Variants in JMJD1C observed in about 807,000 individuals in gnomAD.
JMJD1C encodes jumonji domain containing 1C.
In JMJD1C, 31 loss-of-function variants were observed where a neutral mutation model predicts 245.3. The ratio of observed to expected loss-of-function variants is 0.13; its 90% confidence interval spans 0.09 to 0.17. The LOEUF (loss-of-function observed/expected upper bound fraction) is 0.17, where lower values mean the gene tolerates loss of function less well. Among genes scored for constraint, JMJD1C ranks in the 10% least tolerant of loss-of-function variants. The pLI is 1.00. For missense variants in JMJD1C, 2,691 were observed against 3,000.2 expected (o/e 0.90, Z 2.41); for synonymous variants, 1,057 against 1,017.4 (o/e 1.04, Z -0.74).
At chr10:63,249,491 T>G (rs1189237286) in intron 3 of JMJD1C, among the ~76,000 whole-genome samples, 1 of 152,116 alleles carries the variant, frequency 6.6e-6, no homozygotes, top group African/African-American at 2.4e-5. Context: ...ATCAGTAGGG[T>G]GACTATACAG....
At chr10:63,415,985 C>T (rs966659448) in intron 1 of JMJD1C, among the ~76,000 whole-genome samples, 1 of 152,162 alleles carries the variant, frequency 6.6e-6, no homozygotes, top group Non-Finnish European at 1.5e-5. Context: ...ACAGCTGAAC[C>T]CATTTCATTC....
At chr10:63,284,079 G>T (rs1857703602) in intron 2 of JMJD1C, among the ~76,000 whole-genome samples, 1 of 151,812 alleles carries the variant, frequency 6.6e-6, no homozygotes, top group Non-Finnish European at 1.5e-5. Flanking sequence ...AGGTTGGAGT[G>T]CAGTGGCGCA....
intron 16 of JMJD1C, 82 bp downstream of exon 16, chr10:63,192,856 G>T: frequency 9.7e-7 from 1 of 1,026,262 alleles, no homozygotes; most frequent in Non-Finnish European, 1.5e-6. Context: ...AATATTAACA[G>T]TACTTTATTG....
At chr10:63,457,170 G>T (rs1952467190) in intron 1 of JMJD1C, among the ~76,000 whole-genome samples, 1 of 152,240 alleles carries the variant, frequency 6.6e-6, no homozygotes, top group African/African-American at 2.4e-5. Flanking sequence ...TGAGCAAGTG[G>T]TAGTACAAAT....
At chr10:63,324,511 A>G (rs1222503660) in intron 2 of JMJD1C, among the ~76,000 whole-genome samples, 4 of 152,138 alleles carry the variant, frequency 2.6e-5, no homozygotes, top group African/African-American at 4.8e-5. Flanking sequence ...ATTATTCTAT[A>G]TTGACTACAA....
chr10:63,342,315 A>G (rs968600325), intron 2 of JMJD1C, among the ~76,000 whole-genome samples: 35 of 152,262 alleles, frequency 2.3e-4, no homozygotes, highest in Admixed American at 2.2e-3. Flanking sequence ...TTACTGAAGG[A>G]CTAAAGCATT....
chr10:63,361,092 AT>A (rs1239498344), intron 2 of JMJD1C, among the ~76,000 whole-genome samples: 2 of 152,234 alleles, frequency 1.3e-5, no homozygotes, highest in Non-Finnish European at 2.9e-5. Context: ...AAATTTTCTA[AT>A]TTTAAACTTA....
At position 63,335,027 on chromosome 10, in the gene JMJD1C, AAAAT is replaced by A. The variant is rs1184644820; in HGVS notation, c.333+45287_333+45290del. Among the ~76,000 whole-genome samples, 131 of 146,064 alleles carry A rather than the reference AAAAT, an allele frequency of 9.0e-4. 1 individual carries two copies. The highest frequency in any genetic ancestry group is 1.9e-3 in the South Asian group (9 of 4,708). On this transcript the variant is annotated intron_variant, in intron 2 of 25. Coordinates refer to ENST00000399262, the MANE Select transcript of JMJD1C (RefSeq NM_032776.3). ...CCAGCCAAGACTCTGTCTTTGGAAA[AAAAT>A]AAAAAAAAAAAAAAATATTGTTCCT...
intron 2 of JMJD1C, among the ~76,000 whole-genome samples, chr10:63,304,181 G>GAC (rs1380389977): frequency 6.6e-6 from 1 of 152,092 alleles, no homozygotes; most frequent in African/African-American, 2.4e-5. Context: ...CTCAAAATGG[G>GAC]ACCAAAGACT....
chr10:63,347,776 G>A (rs934933242), intron 2 of JMJD1C, among the ~76,000 whole-genome samples: 11 of 151,688 alleles, frequency 7.3e-5, no homozygotes, highest in Admixed American at 3.9e-4. Context: ...TCAGCCAGGC[G>A]TGGTGTGGGC....
At chr10:63,301,119 G>C (rs1860022296) in intron 2 of JMJD1C, among the ~76,000 whole-genome samples, 1 of 152,118 alleles carries the variant, frequency 6.6e-6, no homozygotes, top group Non-Finnish European at 1.5e-5. Flanking sequence ...GGGCTCAAGT[G>C]ATCCTCCTGC....
rs771586687 is a variant in JMJD1C, at chr10:63,219,982, T to C, written c.449A>G (p.Asp150Gly). Residue 150 changes from aspartate to glycine, a missense_variant and splice_region_variant, in exon 4 of 26, where the codon GAC becomes GGC. Coordinates refer to ENST00000399262, the MANE Select transcript of JMJD1C (RefSeq NM_032776.3). ...AACTGGGTTTAGGCTGTCTATGTCGTCCTAGAATTATAGATTAAAAGAAAG... is the reference window on the plus strand; with the variant it reads ...AACTGGGTTTAGGCTGTCTATGTCGCCCTAGAATTATAGATTAAAAGAAAG... ...TEDSAFQPYQDDIDSLNPVLR... is the reference protein window; with the variant it reads ...TEDSAFQPYQGDIDSLNPVLR... 6.2e-7 allele frequency: 1 copy of C among 1,607,802 alleles called. No individual in the cohort carries two copies. Among genetic ancestry groups the C allele is most frequent in the South Asian group, 1.1e-5 (1 of 90,374 alleles).
chr10:63,222,417 AC>A (rs1333542321), intron 3 of JMJD1C: 3 of 918,942 alleles, frequency 3.3e-6, no homozygotes, highest in Non-Finnish European at 3.7e-6. Context: ...GAAAAGAATA[AC>A]CCTGATCTTT....
chr10:63,173,953 T>C (rs550425307), intron 24 of JMJD1C, among the ~76,000 whole-genome samples: 2 of 152,264 alleles, frequency 1.3e-5, no homozygotes, highest in Non-Finnish European at 1.5e-5. Context: ...GCCCAATGTT[T>C]AGTCATTAAG....
At chr10:63,506,359 G>A (rs962986200) in intron 1 of JMJD1C, among the ~76,000 whole-genome samples, 31 of 152,178 alleles carry the variant, frequency 2.0e-4, no homozygotes, top group Admixed American at 1.7e-3. Context: ...AAATATTAAT[G>A]TGGTTATGAA....
At chr10:63,449,128 A>G (rs190979880) in intron 1 of JMJD1C, among the ~76,000 whole-genome samples, 112 of 145,906 alleles carry the variant, frequency 7.7e-4, no homozygotes, top group Non-Finnish European at 1.4e-3. Flanking sequence ...AAAATAAAAT[A>G]AAATAAAATA....
chr10:63,473,097 A>C (rs1953545793), intron 1 of JMJD1C, among the ~76,000 whole-genome samples: 1 of 152,054 alleles, frequency 6.6e-6, no homozygotes, highest in African/African-American at 2.4e-5. Context: ...TCAAATTTTA[A>C]ATCTGTTAAT....
chr10:63,427,386 T>C (rs1260341127), intron 1 of JMJD1C: 33 of 1,089,416 alleles, frequency 3.0e-5, no homozygotes, highest in South Asian at 3.9e-5. Context: ...CAAATCCCTA[T>C]AGCAAACATG....
At chr10:63,474,845 T>G (rs1953609030) in intron 1 of JMJD1C, among the ~76,000 whole-genome samples, 1 of 147,036 alleles carries the variant, frequency 6.8e-6, no homozygotes, top group Admixed American at 7.3e-5. Context: ...GTCAGCCTAC[T>G]CTCAAATTAT....
Sources: allele counts gnomAD v4.1 joint callset (sites outside exome capture counted in the v4.1 genomes callset), GRCh38; gene constraint gnomAD v4.1.1; transcripts MANE v1.5; gene names NCBI Gene and HGNC (gene_info 2026-07-23, HGNC 2026-07-21).